ABHD12: variants seen among roughly 807,000 people sequenced by gnomAD.
The protein encoded by ABHD12 is lysophosphatidylserine lipase ABHD12.
In ABHD12, 43 loss-of-function variants were observed where a neutral mutation model predicts 58.3. That is an observed-to-expected ratio of 0.74 (90% CI 0.58 to 0.95). ABHD12 has a LOEUF of 0.95. ABHD12 is among the 40% of genes least tolerant of loss of function. The pLI, the probability that ABHD12 is intolerant of heterozygous loss-of-function variation, is 0.00. For synonymous variants in ABHD12, 219 were observed against 211.2 expected (o/e 1.04, Z -0.32); for missense variants, 539 against 537.2 (o/e 1.00, Z -0.03).
rs1041470531 is a variant in ABHD12 at position 25,339,286 on chromosome 20, A to G, written c.257T>C (p.Ile86Thr). Residue 86 changes from isoleucine (I) to threonine (T), a missense_variant, in exon 2 of 13, where the codon ATT (isoleucine) becomes ACT (threonine). Coordinates refer to ENST00000339157, the MANE Select transcript of ABHD12 (RefSeq NM_001042472.3). ...LFCVLGLYIA[I>T]PFLIKLCPGI... The stretch of plus-strand genomic sequence containing the variant: ...AGGACATAGTTTGATGAGAAATGGA[A>G]TGGCAATGTACAACCCCAAAACACA... 2 of 1,614,114 alleles carry G rather than the reference A, an allele frequency of 1.2e-6. No individual in the cohort carries two copies. Among genetic ancestry groups the G allele is most frequent in the African/African-American group, 2.7e-5 (2 of 74,936 alleles).
At chr20:25,340,728 A>T (rs1393250053) in intron 1 of ABHD12, among the ~76,000 whole-genome samples, 2 of 152,252 alleles carry the variant, frequency 1.3e-5, no homozygotes, top group African/African-American at 4.8e-5. Context: ...TGTTATGTTA[A>T]ATAAGACATC....
chr20:25,389,809 T>C (rs945605454), intron 1 of ABHD12: 1 of 152,198 alleles, frequency 6.6e-6, no homozygotes. Flanking sequence ...AGGGCAGGTT[T>C]CCCTCCGACG....
Position 25,367,436 on chromosome 20 carries a change from TA to T in ABHD12, c.191+23076del, listed in dbSNP as rs1306276906. 3.3e-5 allele frequency among the ~76,000 whole-genome samples: 5 copies of T among 152,348 alleles called. No individual in the cohort carries two copies. In the East Asian group the frequency reaches 9.6e-4, roughly 29 times the overall value. ...TTACACGTAACAAAATTTACCATCA[TA>T]ACCATTTTCACGTGTACAGTTCAGT... is the stretch of plus-strand genomic sequence containing the variant. On this transcript the variant is annotated intron_variant, in intron 1 of 12. Coordinates refer to ENST00000339157, the MANE Select transcript of ABHD12 (RefSeq NM_001042472.3).
chr20:25,357,005 T>C (rs1218271627), intron 1 of ABHD12, among the ~76,000 whole-genome samples: 1 of 152,138 alleles, frequency 6.6e-6, no homozygotes, highest in Non-Finnish European at 1.5e-5. Flanking sequence ...TAAACTGAAC[T>C]AAATAGGTCT....
intron 3 of ABHD12, among the ~76,000 whole-genome samples, chr20:25,322,381 A>ATATATATATATAT: frequency 6.7e-5 from 4 of 59,284 alleles, no homozygotes; most frequent in African/African-American, 3.3e-4. Context: ...ATATATATAT[A>ATATATATATATAT]TTTTTTTTTT....
intron 1 of ABHD12, among the ~76,000 whole-genome samples, chr20:25,363,821 C>A (rs929849530): frequency 2.0e-5 from 3 of 151,898 alleles, no homozygotes; most frequent in African/African-American, 7.3e-5. Flanking sequence ...GTTGAGATTG[C>A]GCCATTGCAC....
At chr20:25,322,381 A>ATATATATATATATATATTTTTTTTTTTTT in intron 3 of ABHD12, among the ~76,000 whole-genome samples, 9 of 59,262 alleles carry the variant, frequency 1.5e-4, no homozygotes, top group African/African-American at 7.4e-4. Context: ...ATATATATAT[A>ATATATATATATATATATTTTTTTTTTTTT]TTTTTTTTTT....
exon 13 of ABHD12, chr20:25,294,875 G>T: frequency 7.2e-7 from 1 of 1,380,962 alleles, no homozygotes; most frequent in Non-Finnish European, 1.0e-6. Flanking sequence ...AATCCGGCGA[G>T]GGCTGGGAAT....
intron 1 of ABHD12, among the ~76,000 whole-genome samples, chr20:25,354,360 C>G (rs1050625424): frequency 2.6e-5 from 4 of 152,120 alleles, no homozygotes; most frequent in African/African-American, 7.2e-5. Flanking sequence ...CTGGGGAGAA[C>G]TGGGGGGCAG....
At chr20:25,358,018 G>A (rs1292733831) in intron 1 of ABHD12, among the ~76,000 whole-genome samples, 3 of 152,122 alleles carry the variant, frequency 2.0e-5, no homozygotes, top group Non-Finnish European at 2.9e-5. Flanking sequence ...CTCAAAAACA[G>A]TAATAATAAT....
chr20:25,335,517 T>C (rs1412501518), intron 2 of ABHD12, among the ~76,000 whole-genome samples: 8 of 134,512 alleles, frequency 5.9e-5, no homozygotes, highest in African/African-American at 2.0e-4. Context: ...CGTATGTTTA[T>C]TGCGGCATTA....
At chr20:25,314,856 G>A (rs571618687) in intron 6 of ABHD12, 69 bp downstream of exon 6, 1 of 1,559,672 alleles carries the variant, frequency 6.4e-7, no homozygotes, top group Non-Finnish European at 8.8e-7. Flanking sequence ...TTCGAGTGAG[G>A]CCTGCCCATG....
chr20:25,312,776 C>T (rs546321319), intron 6 of ABHD12, among the ~76,000 whole-genome samples: 6 of 150,974 alleles, frequency 4.0e-5, no homozygotes, highest in South Asian at 2.1e-4. Flanking sequence ...ATGTGGGGAG[C>T]GCCTCTGCCC....
intron 1 of ABHD12, among the ~76,000 whole-genome samples, chr20:25,347,656 T>C (rs554551857): frequency 1.3e-4 from 12 of 94,760 alleles, no homozygotes; most frequent in Admixed American, 5.7e-4. Context: ...GGAGACTCTG[T>C]CTCTATAAAA....
intron 1 of ABHD12, among the ~76,000 whole-genome samples, chr20:25,383,353 C>A (rs2090044708): frequency 6.6e-6 from 1 of 152,232 alleles, no homozygotes; most frequent in African/African-American, 2.4e-5. Flanking sequence ...ATGCAGCCCA[C>A]TGATCTCTGT....
At chr20:25,373,431 T>C (rs1427070500) in intron 1 of ABHD12, among the ~76,000 whole-genome samples, 1 of 151,866 alleles carries the variant, frequency 6.6e-6, no homozygotes, top group Non-Finnish European at 1.5e-5. Context: ...CCTGTAATCC[T>C]GGCTACTTGG....
At chr20:25,376,895 T>C (rs2089968534) in intron 1 of ABHD12, among the ~76,000 whole-genome samples, 2 of 152,228 alleles carry the variant, frequency 1.3e-5, no homozygotes, top group African/African-American at 4.8e-5. Flanking sequence ...TTCTCTGTTT[T>C]AAATTTTTAT....
At chr20:25,309,639 C>T (rs1457717613) in intron 6 of ABHD12, 64 bp from the exon 7 acceptor site, 3 of 1,607,322 alleles carry the variant, frequency 1.9e-6, no homozygotes, top group East Asian at 2.2e-5. Context: ...GACAAACACA[C>T]CTCCCCAAGG....
chr20:25,307,906 G>A (rs1018267576), intron 9 of ABHD12, 60 bp downstream of exon 9: 2 of 831,732 alleles, frequency 2.4e-6, no homozygotes, highest in Non-Finnish European at 3.9e-6. Flanking sequence ...CCTGTAATTA[G>A]TTATTTCTAT....
Sources: gnomAD v4.1 joint callset for allele counts (sites outside exome capture counted in the v4.1 genomes callset) on GRCh38, gnomAD v4.1.1 for gene constraint, MANE v1.5 for transcripts, NCBI Gene and HGNC (gene_info 2026-07-23, HGNC 2026-07-21) for gene names.